JPH3: variants seen among roughly 807,000 people sequenced by gnomAD.
JPH3 encodes the protein junctophilin-3.
In JPH3, 11 loss-of-function variants were observed where a neutral mutation model predicts 59.6. The observed-to-expected ratio is 0.18, with a 90% CI of 0.12 to 0.31. The LOEUF (loss-of-function observed/expected upper bound fraction) is 0.31, where lower values mean the gene tolerates loss of function less well. Among genes scored for constraint, JPH3 ranks in the 10% least tolerant of loss-of-function variants. JPH3 has a pLI of 1.00. For synonymous variants in JPH3, 673 were observed against 483.6 expected (o/e 1.39, Z -5.14); for missense variants, 1,202 against 1,105.7 (o/e 1.09, Z -1.24).
At chr16:87,641,290 G>A (rs1167478602) in intron 1 of JPH3, among the ~76,000 whole-genome samples, 1 of 152,202 alleles carries the variant, frequency 6.6e-6, no homozygotes, top group African/African-American at 2.4e-5. Context: ...GAGGGCAGGA[G>A]CCCCATCACT....
At chr16:87,666,171 C>T (rs1241357743) in intron 2 of JPH3, among the ~76,000 whole-genome samples, 2 of 151,526 alleles carry the variant, frequency 1.3e-5, no homozygotes, top group African/African-American at 4.9e-5. Context: ...TCACTGTAGC[C>T]TCTGCCTCCC....
intron 1 of JPH3, among the ~76,000 whole-genome samples, chr16:87,640,327 CAAAAA>C (rs77410169): frequency 0.073 from 10,581 of 145,498 alleles, 482 homozygotes; most frequent in African/African-American, 0.14. Context: ...GACTCCATCT[CAAAAA>C]AAAAAGGGTT....
At chr16:87,629,624 C>A (rs917949155) in intron 1 of JPH3, among the ~76,000 whole-genome samples, 1 of 131,090 alleles carries the variant, frequency 7.6e-6, no homozygotes, top group East Asian at 2.6e-4. Flanking sequence ...AACTAGATGG[C>A]GTTCTGGAAG....
rs550201305 is a variant in JPH3, at chr16:87,693,301, T to A, written c.2166+2775T>A. Among the ~76,000 whole-genome samples the A allele has an allele frequency of 7.9e-5, 12 of 152,366 alleles. No individual in the cohort carries two copies. In the South Asian group the frequency reaches 2.5e-3, roughly 32 times the overall value. On this transcript the variant is annotated intron_variant, in intron 4 of 4. Transcript: ENST00000284262. ...CTCACCCTCTGAGGACCCTCCTCTC[T>A]GAGCTGCATCCCAAGGACAGTTTAC... is the stretch of plus-strand genomic sequence containing the variant.
rs114926825 is a variant in JPH3 at position 87,666,667 on chromosome 16, T to C, written c.1161-17475T>C. Among the ~76,000 whole-genome samples, 472 of 152,328 alleles carry C rather than the reference T, an allele frequency of 3.1e-3. 2 individuals carry two copies. The highest frequency in any genetic ancestry group is 0.011 in the African/African-American group (448 of 41,576). On this transcript the variant is annotated intron_variant, in intron 2 of 4. Coordinates refer to ENST00000284262, the MANE Select transcript of JPH3 (RefSeq NM_020655.4). Reference sequence around the variant, plus strand: ...GGGGCTGGCCTGGTGCTCTGGGTTCTCCAGACCCCCTCCTGCCTTGGTCTC... The same window carrying C: ...GGGGCTGGCCTGGTGCTCTGGGTTCCCCAGACCCCCTCCTGCCTTGGTCTC...
intron 2 of JPH3, among the ~76,000 whole-genome samples, chr16:87,661,905 G>A (rs956646474): frequency 5.3e-5 from 8 of 152,332 alleles, no homozygotes; most frequent in African/African-American, 1.9e-4. Flanking sequence ...TCACACTCAC[G>A]TCCCATCTGC....
intron 4 of JPH3, among the ~76,000 whole-genome samples, chr16:87,691,667 A>G (rs1328811118): frequency 6.6e-6 from 1 of 152,064 alleles, no homozygotes; most frequent in South Asian, 2.1e-4. Context: ...CCGGGCGGCA[A>G]TGCCTGTTTC....
chr16:87,678,923 T>A (rs2033218266), intron 2 of JPH3, among the ~76,000 whole-genome samples: 2 of 152,212 alleles, frequency 1.3e-5, no homozygotes, highest in Non-Finnish European at 2.9e-5. Context: ...AGCCTTCCGA[T>A]AGGGGTGTGA....
intron 1 of JPH3, among the ~76,000 whole-genome samples, chr16:87,628,729 G>T (rs1297719602): frequency 3.3e-5 from 5 of 152,186 alleles, no homozygotes; most frequent in African/African-American, 1.2e-4. Context: ...GCCCGGATGT[G>T]TGGTGAGTGG....
chr16:87,635,593 C>T (rs1431544940), intron 1 of JPH3, among the ~76,000 whole-genome samples: 1 of 152,214 alleles, frequency 6.6e-6, no homozygotes. Flanking sequence ...AGGAATGCAG[C>T]TTCTCAGGCC....
At chr16:87,647,230 G>A (rs909336937) in intron 2 of JPH3, among the ~76,000 whole-genome samples, 4 of 151,406 alleles carry the variant, frequency 2.6e-5, no homozygotes, top group Non-Finnish European at 4.4e-5. Context: ...CCGGGAGGGC[G>A]AGACCTGAGA....
chr16:87,616,296 C>G (rs577501145), intron 1 of JPH3, among the ~76,000 whole-genome samples: 1 of 149,660 alleles, frequency 6.7e-6, no homozygotes, highest in Non-Finnish European at 1.5e-5. Context: ...AGCAGTGGCG[C>G]GATCTCAGCT....
intron 1 of JPH3, among the ~76,000 whole-genome samples, chr16:87,606,194 G>T (rs1482613818): frequency 6.6e-6 from 1 of 152,240 alleles, no homozygotes; most frequent in Non-Finnish European, 1.5e-5. Flanking sequence ...TGAGGAAGGA[G>T]TTAATGGCCC....
At chr16:87,664,585 A>T (rs2032805038) in intron 2 of JPH3, among the ~76,000 whole-genome samples, 1 of 152,150 alleles carries the variant, frequency 6.6e-6, no homozygotes, top group Non-Finnish European at 1.5e-5. Context: ...AGATCGCGCC[A>T]TTGCACTCCA....
chr16:87,636,248 G>T (rs2031742145), intron 1 of JPH3, among the ~76,000 whole-genome samples: 1 of 152,200 alleles, frequency 6.6e-6, no homozygotes, highest in Non-Finnish European at 1.5e-5. Context: ...TGGGGTGGGG[G>T]CGGGGGCGTC....
chr16:87,657,509 A>T (rs558441118), intron 2 of JPH3, among the ~76,000 whole-genome samples: 5 of 152,210 alleles, frequency 3.3e-5, no homozygotes, highest in African/African-American at 9.6e-5. Flanking sequence ...ACTGAATGCC[A>T]CTGAACTGTG....
intron 1 of JPH3, among the ~76,000 whole-genome samples, chr16:87,633,722 C>A (rs1025109107): frequency 2.0e-5 from 3 of 151,992 alleles, no homozygotes; most frequent in African/African-American, 7.3e-5. Context: ...TCGCTTAAAC[C>A]TGGGAGGCGG....
In JPH3 at chr16:87,684,039, T is replaced by C. The variant is rs553746200; in HGVS notation, c.1161-103T>C. The C allele has an allele frequency of 1.3e-5, 10 of 779,636 alleles. No individual in the cohort carries two copies. In the East Asian group the frequency reaches 2.6e-4, roughly 20 times the overall value. The allele number at this position is 779,636 out of a possible 1,614,324, so 48.3% of individuals were successfully genotyped here. A position where few individuals can be genotyped will look rare whatever the true frequency, so the allele number is the denominator to read the frequency against. On this transcript the variant is annotated intron_variant, in intron 2 of 4. Coordinates refer to ENST00000284262, the MANE Select transcript of JPH3 (RefSeq NM_020655.4). ...GTAAACATGGGGTGCCAGCATCTTG[T>C]CTTAGCCCAGCCCGTTGTTGGGGGG...
At chr16:87,688,033 GT>G (rs1159767579) in intron 3 of JPH3, among the ~76,000 whole-genome samples, 2 of 152,216 alleles carry the variant, frequency 1.3e-5, no homozygotes, top group Non-Finnish European at 2.9e-5. Context: ...GGGGAGAGAG[GT>G]GGTGGGGCTG....
Sources: allele counts gnomAD v4.1 joint callset (sites outside exome capture counted in the v4.1 genomes callset), GRCh38; gene constraint gnomAD v4.1.1; transcripts MANE v1.5; gene names NCBI Gene and HGNC (gene_info 2026-07-23, HGNC 2026-07-21).